NUP133: variants seen among roughly 807,000 people sequenced by gnomAD.
NUP133 encodes nucleoporin 133.
In NUP133, 66 loss-of-function variants were observed where a neutral mutation model predicts 146.2. That is an observed-to-expected ratio of 0.45 (90% CI 0.37 to 0.55). The LOEUF (loss-of-function observed/expected upper bound fraction) is 0.55. NUP133 is among the 20% of genes least tolerant of loss of function. NUP133 has a pLI of 0.00. For synonymous variants in NUP133, 521 were observed against 498.8 expected (o/e 1.04, Z -0.59); for missense variants, 1,277 against 1,374.8 (o/e 0.93, Z 1.12).
At chr1:229,450,704 T>A in intron 22 of NUP133, 99 bp from the exon 23 acceptor site, 1 of 561,862 alleles carries the variant, frequency 1.8e-6, no homozygotes, top group Non-Finnish European at 3.0e-6. Context: ...GTAAGGAAGT[T>A]GTAGTTTGTT....
intron 8 of NUP133, 146 bp downstream of exon 8, chr1:229,495,349 C>T: frequency 3.2e-6 from 2 of 630,176 alleles, no homozygotes; most frequent in Non-Finnish European, 5.6e-6. Context: ...TATCATGGTG[C>T]CACTGTATTC....
At chr1:229,443,487 T>C (rs2102743236) in intron 25 of NUP133, among the ~76,000 whole-genome samples, 1 of 152,280 alleles carries the variant, frequency 6.6e-6, no homozygotes, top group African/African-American at 2.4e-5. Flanking sequence ...TTGTGGGTAA[T>C]TTAAATATGT....
At chr1:229,451,653 T>C (rs570692784) in intron 22 of NUP133, among the ~76,000 whole-genome samples, 1 of 152,348 alleles carries the variant, frequency 6.6e-6, no homozygotes, top group South Asian at 2.1e-4. Flanking sequence ...AAAAATTGTA[T>C]GTGTAATCCT....
At chr1:229,484,800 A>T (rs1428780526) in intron 11 of NUP133, among the ~76,000 whole-genome samples, 2 of 152,128 alleles carry the variant, frequency 1.3e-5, no homozygotes, top group Non-Finnish European at 2.9e-5. Flanking sequence ...ATAGATATTA[A>T]TCCTTTTTTG....
intron 22 of NUP133, among the ~76,000 whole-genome samples, chr1:229,451,863 C>G (rs1251585318): frequency 6.6e-6 from 1 of 152,096 alleles, no homozygotes; most frequent in Non-Finnish European, 1.5e-5. Context: ...CTTAGTGATA[C>G]TCAATAGTGA....
intron 21 of NUP133, among the ~76,000 whole-genome samples, chr1:229,453,215 TCCC>T (rs72190493): frequency 0.026 from 3,844 of 146,758 alleles, 111 homozygotes; most frequent in African/African-American, 0.093. Context: ...AACTTTCGAC[TCCC>T]CAAAAGCTTA....
At chr1:229,445,025 G>C in intron 24 of NUP133, 23 bp from the exon 25 acceptor site, 1 of 1,524,308 alleles carries the variant, frequency 6.6e-7, no homozygotes, top group Non-Finnish European at 9.0e-7. Flanking sequence ...ATCATTATGA[G>C]GGAAAAATGA....
At position 229,440,872 on chromosome 1, in the gene NUP133, G is replaced by A. The variant is rs1490669109; in HGVS notation, c.*1032C>T. 6.5e-6 allele frequency: 1 copy of A among 152,884 alleles called. No homozygotes were observed. The highest frequency in any genetic ancestry group is 1.5e-5 in the Non-Finnish European group (1 of 68,532). 9.5% of individuals were successfully genotyped at this position (152,884 alleles called of 1,614,324 possible). ...TGCGGGGGAGACGGCCTGATGCTGG[G>A]CTCTGTGAATCCAGGAACCGGACTC... On this transcript the variant is annotated 3_prime_UTR_variant, in exon 26 of 26. Coordinates refer to ENST00000261396, the MANE Select transcript of NUP133 (RefSeq NM_018230.3).
intron 12 of NUP133, among the ~76,000 whole-genome samples, chr1:229,478,238 A>G (rs1258836108): frequency 6.6e-6 from 1 of 152,232 alleles, no homozygotes; most frequent in Non-Finnish European, 1.5e-5. Context: ...AATAAAATTT[A>G]TTTAATTAAA....
chr1:229,498,505 C>T (rs1287205527), intron 5 of NUP133, among the ~76,000 whole-genome samples, 199 bp from the exon 6 acceptor site: 1 of 152,018 alleles, frequency 6.6e-6, no homozygotes, highest in Non-Finnish European at 1.5e-5. Context: ...GAAAAACTCT[C>T]ATAAGAAAAA....
intron 14 of NUP133, among the ~76,000 whole-genome samples, chr1:229,474,046 T>C (rs1661016621): frequency 6.6e-6 from 1 of 152,268 alleles, no homozygotes; most frequent in African/African-American, 2.4e-5. Context: ...AGATGAGCCC[T>C]TAAGAAGCCT....
chr1:229,499,730 A>G lies in NUP133; in HGVS notation c.602T>C (p.Val201Ala). The change falls in exon 5 of 26, where the codon GTA becomes GCA. Residue 201 changes from valine (V) to alanine (A), a missense_variant. Physicochemically the swap from Val to Ala is moderately conservative, Grantham distance 64. Coordinates refer to ENST00000261396, the MANE Select transcript of NUP133 (RefSeq NM_018230.3). ...AGEDTYTEAF[V>A]DSGGDKTYSF... Reference sequence around the variant, plus strand: ...GTAAGTCTTATCACCTCCCGAATCTACAAAAGCCTCTGTGTAGGTATCTTC... The same window carrying G: ...GTAAGTCTTATCACCTCCCGAATCTGCAAAAGCCTCTGTGTAGGTATCTTC... The G allele has an allele frequency of 6.2e-7, 1 of 1,614,168 alleles. No individual in the cohort carries two copies. Among genetic ancestry groups the G allele is most frequent in the Non-Finnish European group, 8.5e-7 (1 of 1,179,982 alleles).
At chr1:229,475,122 A>AAAAC (rs201426964) in intron 14 of NUP133, among the ~76,000 whole-genome samples, 1 of 151,756 alleles carries the variant, frequency 6.6e-6, no homozygotes, top group Non-Finnish European at 1.5e-5. Flanking sequence ...ATAAATAAAT[A>AAAAC]AAACAAACAA....
chr1:229,444,043 A>G (rs764789443), intron 25 of NUP133, among the ~76,000 whole-genome samples: 1 of 152,004 alleles, frequency 6.6e-6, no homozygotes, highest in Non-Finnish European at 1.5e-5. Flanking sequence ...TATTTAAATA[A>G]AAGTTTCAGC....
chr1:229,449,891 T>G (rs12139267), intron 23 of NUP133, among the ~76,000 whole-genome samples: 1 of 107,548 alleles, frequency 9.3e-6, no homozygotes, highest in Non-Finnish European at 2.0e-5. Context: ...TTTTTTTTTT[T>G]TTTTTTTTGA....
chr1:229,473,698 C>T lies in NUP133; in HGVS notation c.1851+1940G>A, dbSNP rs951500439. Reference sequence around the variant, plus strand: ...CAGCACTTTGGGAGGCAGAGGCAGGCGATCACTTGAGCTTAAGAGTTCGAA... The same window carrying T: ...CAGCACTTTGGGAGGCAGAGGCAGGTGATCACTTGAGCTTAAGAGTTCGAA... On this transcript the variant is annotated intron_variant, in intron 14 of 25. Coordinates refer to ENST00000261396, the MANE Select transcript of NUP133 (RefSeq NM_018230.3). Among the ~76,000 whole-genome samples, 13 of 152,152 alleles carry T rather than the reference C, an allele frequency of 8.5e-5. No individual in the cohort carries two copies. The East Asian group carries it at 2.3e-3, about 27-fold the overall frequency.
intron 19 of NUP133, among the ~76,000 whole-genome samples, chr1:229,461,885 AC>A (rs1660699793): frequency 6.7e-6 from 1 of 150,056 alleles, no homozygotes; most frequent in Admixed American, 6.6e-5. Flanking sequence ...CCAACTACTG[AC>A]CTTTTTTTTT....
chr1:229,463,588 G>A lies in NUP133; in HGVS notation c.2640C>T (p.Asp880=). ...TGTAGCGCTGGAGTCGGCTCTGGTT[G>A]TCAGTCTGCTCACACATTTGTACCA... ...DILVQMCEQT[D]NQSRLQRYMT... Residue 880 remains aspartate, a synonymous_variant, in exon 19 of 26, where the codon GAC becomes GAT. Coordinates refer to ENST00000261396, the MANE Select transcript of NUP133 (RefSeq NM_018230.3). The A allele has an allele frequency of 6.2e-7, 1 of 1,614,116 alleles. No individual in the cohort carries two copies. Among genetic ancestry groups the A allele is most frequent in the Non-Finnish European group, 8.5e-7 (1 of 1,180,006 alleles).
Position 229,470,680 on chromosome 1 carries a change from C to G in NUP133, c.1976G>C (p.Arg659Pro). 1 of 1,614,096 alleles carries G rather than the reference C, an allele frequency of 6.2e-7. No individual in the cohort carries two copies. The highest frequency in any genetic ancestry group is 8.5e-7 in the Non-Finnish European group (1 of 1,180,010). ...AAIVLKNHHS[R>P]LSDLVNTAIL... ...GGCTGTGTTGACAAGGTCAGAAAGC[C>G]GGGAGTGGTGGTTCTTGAGAACAAT... is the stretch of plus-strand genomic sequence containing the variant. The change falls in exon 15 of 26, where the codon CGG (arginine) becomes CCG (proline). Residue 659 changes from arginine to proline, a missense_variant. By Grantham distance (103) the Arg-to-Pro change is moderately radical (BLOSUM62 -2). This residue lies in a region of NUP133 where 952 missense variants were observed against 1,047.0 expected (regional missense o/e 0.91). Transcript: ENST00000261396.
Sources: allele counts gnomAD v4.1 joint callset (sites outside exome capture counted in the v4.1 genomes callset), GRCh38; gene constraint gnomAD v4.1.1; regional missense constraint gnomAD v4.1.1; transcripts MANE v1.5; gene names NCBI Gene and HGNC (gene_info 2026-07-23, HGNC 2026-07-21).